RBFOX3: variants seen among roughly 807,000 people sequenced by gnomAD.
The protein encoded by RBFOX3 is RNA binding fox-1 homolog 3.
Under a neutral mutation model 48.7 loss-of-function variants are expected in RBFOX3, and 17 were observed. That is an observed-to-expected ratio of 0.35 (90% CI 0.24 to 0.52). The LOEUF (loss-of-function observed/expected upper bound fraction) is 0.52. Among genes scored for constraint, RBFOX3 ranks in the 20% least tolerant of loss-of-function variants. RBFOX3 has a pLI of 0.94. For missense variants in RBFOX3, 382 were observed against 497.5 expected, an observed-to-expected ratio of 0.77 and a Z score of 2.21; for synonymous variants, 212 against 209.5, an observed-to-expected ratio of 1.01 and a Z score of -0.10.
chr17:79,121,227 A>G (rs1370817030), intron 4 of RBFOX3, among the ~76,000 whole-genome samples: 3 of 152,070 alleles, frequency 2.0e-5, no homozygotes, highest in African/African-American at 4.8e-5. Flanking sequence ...CCTGTACACT[A>G]GAAACCAGCC....
At chr17:79,097,517 G>A in intron 10 of RBFOX3, 93 bp from the exon 11 acceptor site, 1 of 1,163,784 alleles carries the variant, frequency 8.6e-7, no homozygotes, top group Non-Finnish European at 1.1e-6. Flanking sequence ...CGCGCACCTA[G>A]CCCCCAACCC....
At chr17:79,291,087 G>C (rs1158944613) in intron 3 of RBFOX3, among the ~76,000 whole-genome samples, 6 of 152,230 alleles carry the variant, frequency 3.9e-5, no homozygotes, top group Non-Finnish European at 8.8e-5. Context: ...CTGGAGGAAA[G>C]AAAGACCATG....
chr17:79,388,455 C>G (rs928754759), intron 2 of RBFOX3, among the ~76,000 whole-genome samples: 1 of 152,212 alleles, frequency 6.6e-6, no homozygotes, highest in Non-Finnish European at 1.5e-5. Context: ...CACATGGAAT[C>G]GTTTTCAGCT....
chr17:79,560,014 G>A (rs928671778), intron 1 of RBFOX3, among the ~76,000 whole-genome samples: 15 of 146,662 alleles, frequency 1.0e-4, no homozygotes, highest in Admixed American at 2.7e-4. Flanking sequence ...GGAAGGATGG[G>A]TGGGTGGGTG....
intron 2 of RBFOX3, among the ~76,000 whole-genome samples, chr17:79,415,740 T>C (rs1441440336): frequency 1.3e-5 from 2 of 151,976 alleles, no homozygotes; most frequent in Non-Finnish European, 1.5e-5. Context: ...GACGTTTAGG[T>C]GAAACTCTTC....
At chr17:79,496,567 G>T (rs1246026213) in intron 1 of RBFOX3, among the ~76,000 whole-genome samples, 4 of 152,210 alleles carry the variant, frequency 2.6e-5, no homozygotes, top group African/African-American at 9.7e-5. Context: ...CCAGGAGAAA[G>T]CTGCCCAGGC....
In RBFOX3 at chr17:79,534,427, C is replaced by T. The variant is rs558001634; in HGVS notation, c.-319-51829G>A. On this transcript the variant is annotated intron_variant, in intron 1 of 14. Coordinates refer to ENST00000693108, the MANE Select transcript of RBFOX3 (RefSeq NM_001350451.2). ...GAGGGAGGTGGGAGAGGTTAGAATC[C>T]GAATCCAAGGGGATCCCACAGGACT... Among the ~76,000 whole-genome samples, 6 of 152,246 alleles carry T rather than the reference C, an allele frequency of 3.9e-5. No homozygotes were observed. In the South Asian group the frequency reaches 8.3e-4, roughly 21 times the overall value.
At chr17:79,246,694 C>T (rs2063217020) in intron 3 of RBFOX3, among the ~76,000 whole-genome samples, 1 of 152,188 alleles carries the variant, frequency 6.6e-6, no homozygotes, top group South Asian at 2.1e-4. Flanking sequence ...TCTCAAGACC[C>T]ATCCGACATC....
chr17:79,575,929 C>G (rs2092843643), intron 1 of RBFOX3, among the ~76,000 whole-genome samples: 1 of 152,204 alleles, frequency 6.6e-6, no homozygotes, highest in South Asian at 2.1e-4. Flanking sequence ...GTCGCCAGTC[C>G]TGTTGGGAGC....
rs534102774 is a variant in RBFOX3, at chr17:79,369,331, G to A, written c.-174-61507C>T. On this transcript the variant is annotated intron_variant, in intron 2 of 14. Coordinates refer to ENST00000693108, the MANE Select transcript of RBFOX3 (RefSeq NM_001350451.2). ...CTACCACAGTCTGCCCCCACTCCCC[G>A]GGGAGGGGCTGATGGGGGCTCACCA... Among the ~76,000 whole-genome samples the A allele has an allele frequency of 6.6e-5, 10 of 151,670 alleles. No homozygotes were observed. The East Asian group carries it at 1.4e-3, about 21-fold the overall frequency.
intron 2 of RBFOX3, among the ~76,000 whole-genome samples, chr17:79,318,744 A>C (rs1040361115): frequency 6.7e-6 from 1 of 150,370 alleles, no homozygotes; most frequent in Non-Finnish European, 1.5e-5. Context: ...AGTCCCGGCT[A>C]CTTGGAAGGC....
rs1360956703 is a variant in RBFOX3 at position 79,278,971 on chromosome 17, A to G, written c.-74+28753T>C. 2.0e-5 allele frequency among the ~76,000 whole-genome samples: 3 copies of G among 152,266 alleles called. No homozygotes were observed. In the East Asian group the frequency reaches 5.8e-4, roughly 29 times the overall value. ...CCTCTGTCATCCCACTTACATCTCC[A>G]CATGCTCCTCTCACAACTTTTGGAG... On this transcript the variant is annotated intron_variant, in intron 3 of 14. Coordinates refer to ENST00000693108, the MANE Select transcript of RBFOX3 (RefSeq NM_001350451.2).
chr17:79,175,437 G>C (rs1039008560), intron 4 of RBFOX3, among the ~76,000 whole-genome samples: 1 of 152,242 alleles, frequency 6.6e-6, no homozygotes, highest in Non-Finnish European at 1.5e-5. Context: ...CCACTCCCAA[G>C]GCTGGCATGG....
At position 79,238,039 on chromosome 17, in the gene RBFOX3, C is replaced by T. The variant is rs532125246; in HGVS notation, c.-73-2234G>A. ...GCAACCTCTGCCTCTCAGGTTCAAG[C>T]GATTCTCCTGCCTCAGCCTCCGAAG... is the stretch of plus-strand genomic sequence containing the variant. On this transcript the variant is annotated intron_variant, in intron 3 of 14. Transcript: ENST00000693108. Among the ~76,000 whole-genome samples the T allele has an allele frequency of 9.2e-5, 14 of 152,286 alleles. No homozygotes were observed. The East Asian group carries it at 2.1e-3, about 23-fold the overall frequency.
chr17:79,495,967 T>C (rs370458688), intron 1 of RBFOX3, among the ~76,000 whole-genome samples: 3 of 151,990 alleles, frequency 2.0e-5, no homozygotes, highest in East Asian at 3.9e-4. Flanking sequence ...TGCAGAAACA[T>C]GCAGAAGCAT....
At chr17:79,430,156 G>A (rs1424301509) in intron 2 of RBFOX3, among the ~76,000 whole-genome samples, 3 of 152,112 alleles carry the variant, frequency 2.0e-5, no homozygotes, top group Non-Finnish European at 4.4e-5. Context: ...CTTTGAAGAC[G>A]ACTTCAGAGA....
rs1159762873 is a variant in RBFOX3, at chr17:79,567,180, CTTTTTTTTTT to C, written c.-320+43636_-320+43645del. 6.5e-5 allele frequency among the ~76,000 whole-genome samples: 6 copies of C among 92,076 alleles called. No individual in the cohort carries two copies. The South Asian group carries it at 2.8e-3, about 42-fold the overall frequency. The allele number at this position is 92,076 out of a possible 152,430, so 60.4% of individuals were successfully genotyped here. A position where few individuals can be genotyped will look rare whatever the true frequency, so the allele number is the denominator to read the frequency against. On this transcript the variant is annotated intron_variant, in intron 1 of 14. Transcript: ENST00000693108. ...TGCTATTTTTTTTCTTTCTTTCTTTCTTTTTTTTTTTTTTTTTTTTTGAGACAGGGTCTCA... is the reference window on the plus strand; with the variant it reads ...TGCTATTTTTTTTCTTTCTTTCTTTCTTTTTTTTTTTGAGACAGGGTCTCA...
chr17:79,403,621 A>G (rs1046617989), intron 2 of RBFOX3, among the ~76,000 whole-genome samples: 1 of 152,038 alleles, frequency 6.6e-6, no homozygotes. Flanking sequence ...TTCGGTGGGA[A>G]AGTCCCTGGT....
chr17:79,327,621 C>G (rs531405826), intron 2 of RBFOX3, among the ~76,000 whole-genome samples: 1 of 152,376 alleles, frequency 6.6e-6, no homozygotes, highest in Admixed American at 6.5e-5. Flanking sequence ...CCTGCCTCAC[C>G]TGGGAGCTCA....
Sources: gnomAD v4.1 joint callset for allele counts (sites outside exome capture counted in the v4.1 genomes callset) on GRCh38, gnomAD v4.1.1 for gene constraint, MANE v1.5 for transcripts, NCBI Gene and HGNC (gene_info 2026-07-23, HGNC 2026-07-21) for gene names.